Variants in COPG1 observed in about 807,000 individuals in gnomAD.
COPG1 encodes coat protein complex I subunit gamma 1.
Under a neutral mutation model 102.8 loss-of-function variants are expected in COPG1, and 29 were observed. The observed-to-expected ratio is 0.28, with a 90% CI of 0.21 to 0.38. The LOEUF (loss-of-function observed/expected upper bound fraction) is 0.38, where lower values mean the gene tolerates loss of function less well. COPG1 is among the 10% of genes least tolerant of loss of function. COPG1 has a pLI of 1.00. For missense variants in COPG1, 875 were observed against 1,132.7 expected (o/e 0.77, Z 3.27); for synonymous variants, 406 against 421.6 (o/e 0.96, Z 0.45).
chr3:129,252,450 C>A, intron 3 of COPG1, 89 bp downstream of exon 3: 1 of 1,108,444 alleles, frequency 9.0e-7, no homozygotes, highest in Non-Finnish European at 1.4e-6. Flanking sequence ...GGCTATTGGA[C>A]AGCCTCTGTG....
intron 2 of COPG1, among the ~76,000 whole-genome samples, 151 bp from the exon 3 acceptor site, chr3:129,252,126 AAAAC>A (rs1358470793): frequency 6.6e-6 from 1 of 152,252 alleles, no homozygotes; most frequent in Non-Finnish European, 1.5e-5. Context: ...TGATTAAAGA[AAAAC>A]AAACCCTTTC....
chr3:129,264,957 G>T, intron 13 of COPG1, among the ~76,000 whole-genome samples: 1 of 151,488 alleles, frequency 6.6e-6, no homozygotes, highest in East Asian at 1.9e-4. Context: ...GAGTACCTAG[G>T]ACTACAGGTG....
Position 129,249,671 on chromosome 3 carries a change from G to A in COPG1, c.-39G>A, listed in dbSNP as rs1193062007. The A allele has an allele frequency of 1.3e-6, 2 of 1,550,290 alleles. No individual in the cohort carries two copies. The highest frequency in any genetic ancestry group is 1.7e-6 in the Non-Finnish European group (2 of 1,146,538). On this transcript the variant is annotated 5_prime_UTR_variant, in exon 1 of 24. Transcript: ENST00000314797. The stretch of plus-strand genomic sequence containing the variant: ...ACCGCTACTCCGTGCCGCGCCCGTC[G>A]AGCATTGCGTTGCTGCATTGCGCCC...
rs577070828 is a variant in COPG1 at position 129,258,677 on chromosome 3, C to T, written c.871+817C>T. Among the ~76,000 whole-genome samples the T allele has an allele frequency of 5.9e-5, 9 of 152,266 alleles. No homozygotes were observed. In the East Asian group the frequency reaches 7.8e-4, roughly 13 times the overall value. On this transcript the variant is annotated intron_variant, in intron 10 of 23. Transcript: ENST00000314797. ...TTCACCATATTGGCCAGGCTGTTCT[C>T]GAACTCCTGACCTCATGATCCGCCC...
intron 2 of COPG1, among the ~76,000 whole-genome samples, chr3:129,251,143 T>A (rs1423863985): frequency 6.6e-6 from 1 of 151,096 alleles, no homozygotes; most frequent in African/African-American, 2.4e-5. Flanking sequence ...CAGGACGGTC[T>A]TGATCTCCTG....
At chr3:129,266,351 A>G (rs567708750) in intron 14 of COPG1, among the ~76,000 whole-genome samples, 204 of 150,640 alleles carry the variant, frequency 1.4e-3, no homozygotes, top group Non-Finnish European at 2.6e-3. Context: ...CTGGTCACGA[A>G]CTCCTGGGCT....
chr3:129,270,395 C>G (rs1271703213), intron 18 of COPG1, among the ~76,000 whole-genome samples: 2 of 152,116 alleles, frequency 1.3e-5, no homozygotes, highest in Non-Finnish European at 2.9e-5. Flanking sequence ...CCTCATTTGT[C>G]TTTACAACAA....
intron 10 of COPG1, among the ~76,000 whole-genome samples, chr3:129,259,753 T>TA (rs755484545): frequency 1.4e-4 from 22 of 152,258 alleles, no homozygotes; most frequent in Non-Finnish European, 1.9e-4. Flanking sequence ...AAGGGAGGGA[T>TA]ATGGTACCCG....
rs1462357322 is a variant in COPG1, at chr3:129,272,146, C to T, written c.1987-98C>T. On this transcript the variant is annotated intron_variant, in intron 19 of 23. Transcript: ENST00000314797. ...GCAGGGGGACTGGGATGGGAATCACCTTGGTCAATAGGAAAGAGGTGGGAC... is the reference window on the plus strand; with the variant it reads ...GCAGGGGGACTGGGATGGGAATCACTTTGGTCAATAGGAAAGAGGTGGGAC... 1.1e-5 allele frequency: 13 copies of T among 1,216,854 alleles called. No individual in the cohort carries two copies. In the East Asian group the frequency reaches 2.8e-4, roughly 26 times the overall value. 75.4% of individuals were successfully genotyped at this position (1,216,854 alleles called of 1,614,324 possible). A position where few individuals can be genotyped will look rare whatever the true frequency, so the allele number is the denominator to read the frequency against.
chr3:129,268,343 G>A (rs1940109161), intron 16 of COPG1, 152 bp from the exon 17 acceptor site: 9 of 735,668 alleles, frequency 1.2e-5, no homozygotes, highest in Middle Eastern at 3.8e-4. Flanking sequence ...GGGAGGATGT[G>A]TCTGAGAATG....
In COPG1 at chr3:129,263,376, C is replaced by T. The variant is rs1383090522; in HGVS notation, c.1129-528C>T. Reference sequence around the variant, plus strand: ...TGCTGTGGGCGCCAGGTGGAGTTGTCTGACAGGCAGTTGGAAAAGGCAGGT... The same window carrying T: ...TGCTGTGGGCGCCAGGTGGAGTTGTTTGACAGGCAGTTGGAAAAGGCAGGT... On this transcript the variant is annotated intron_variant, in intron 12 of 23. Coordinates refer to ENST00000314797, the MANE Select transcript of COPG1 (RefSeq NM_016128.4). 2.6e-5 allele frequency among the ~76,000 whole-genome samples: 4 copies of T among 152,172 alleles called. No individual in the cohort carries two copies. The East Asian group carries it at 7.7e-4, about 29-fold the overall frequency.
chr3:129,256,236 C>A, intron 8 of COPG1, 82 bp downstream of exon 8: 1 of 1,157,784 alleles, frequency 8.6e-7, no homozygotes, highest in South Asian at 1.3e-5. Flanking sequence ...ACACTTGCCA[C>A]CGAGATCCTT....
chr3:129,268,872 CCA>C (rs745579177), intron 17 of COPG1, 58 bp from the exon 18 acceptor site: 42 of 1,486,060 alleles, frequency 2.8e-5, no homozygotes, highest in Non-Finnish European at 3.9e-5. Context: ...ACTGGGGTCA[CCA>C]CCACACTGCC....
chr3:129,250,218 T>G (rs900155180), intron 1 of COPG1, among the ~76,000 whole-genome samples: 4 of 152,206 alleles, frequency 2.6e-5, no homozygotes, highest in African/African-American at 9.7e-5. Context: ...TCCTGGATAC[T>G]GCAACAGAGC....
chr3:129,267,002 C>G (rs1940073981), intron 14 of COPG1, 22 bp from the exon 15 acceptor site: 1 of 1,610,226 alleles, frequency 6.2e-7, no homozygotes, highest in African/African-American at 1.3e-5. Flanking sequence ...TTGGGTAAAT[C>G]ACATTCGCTT....
intron 8 of COPG1, among the ~76,000 whole-genome samples, chr3:129,256,463 G>C (rs1469265702): frequency 6.6e-6 from 1 of 152,242 alleles, no homozygotes; most frequent in Non-Finnish European, 1.5e-5. Context: ...GCAGAGGGCC[G>C]CCTAAATTTA....
At position 129,268,884 on chromosome 3, in the gene COPG1, C is replaced by T. The variant is rs1376074621; in HGVS notation, c.1775-48C>T. The T allele has an allele frequency of 1.9e-6, 3 of 1,539,588 alleles. No individual in the cohort carries two copies. The African/African-American group carries it at 4.1e-5, about 21-fold the overall frequency. On this transcript the variant is annotated intron_variant, in intron 17 of 23. Transcript: ENST00000314797. Reference sequence around the variant, plus strand: ...AGCACTGGGGTCACCACCACACTGCCCCGTGACTCCAGCTGTTGGTCATCA... The same window carrying T: ...AGCACTGGGGTCACCACCACACTGCTCCGTGACTCCAGCTGTTGGTCATCA...
intron 14 of COPG1, among the ~76,000 whole-genome samples, chr3:129,266,035 A>G (rs1337082164): frequency 6.6e-6 from 1 of 151,424 alleles, no homozygotes; most frequent in Non-Finnish European, 1.5e-5. Flanking sequence ...GCAGTGGCGC[A>G]ATCTCAGCTC....
chr3:129,275,645 C>T lies in COPG1; in HGVS notation c.2494+353C>T, dbSNP rs1333012606. Reference sequence around the variant, plus strand: ...CCGATTTGCTTTTCACTTTACATTGCATCTTAGAGATCTTCCCCGTCAATA... The same window carrying T: ...CCGATTTGCTTTTCACTTTACATTGTATCTTAGAGATCTTCCCCGTCAATA... On this transcript the variant is annotated intron_variant, in intron 23 of 23. Coordinates refer to ENST00000314797, the MANE Select transcript of COPG1 (RefSeq NM_016128.4). This position sits in a 1 kb window ranked among gnomAD's most constrained non-coding sequence, Gnocchi z 5.0. Among the ~76,000 whole-genome samples the T allele has an allele frequency of 2.6e-5, 4 of 152,158 alleles. No individual in the cohort carries two copies. Among genetic ancestry groups the T allele is most frequent in the Non-Finnish European group, 5.9e-5 (4 of 68,036 alleles).
Sources: gnomAD v4.1 joint callset for allele counts (sites outside exome capture counted in the v4.1 genomes callset) on GRCh38, gnomAD v4.1.1 for gene constraint, Gnocchi (gnomAD v3.1) non-coding constraint, MANE v1.5 for transcripts, NCBI Gene and HGNC (gene_info 2026-07-23, HGNC 2026-07-21) for gene names.